The following SAE1 variants were observed in gnomAD, a reference collection of about 807,000 sequenced individuals.
The protein encoded by SAE1 is SUMO-activating enzyme subunit 1.
A neutral mutation model predicts 40.6 loss-of-function variants in SAE1; 11 were observed. That is an observed-to-expected ratio of 0.27 (90% CI 0.17 to 0.45). The LOEUF (loss-of-function observed/expected upper bound fraction) is 0.45. SAE1 is among the 20% of genes least tolerant of loss of function. SAE1 has a pLI of 1.00. For synonymous variants in SAE1, 155 were observed against 154.3 expected, an observed-to-expected ratio of 1.00 and a Z score of -0.03; for missense variants, 373 against 427.3, an observed-to-expected ratio of 0.87 and a Z score of 1.12.
At chr19:47,141,812 T>C (rs2058223846) in intron 1 of SAE1, among the ~76,000 whole-genome samples, 1 of 152,190 alleles carries the variant, frequency 6.6e-6, no homozygotes, top group African/African-American at 2.4e-5. Flanking sequence ...TCCTTTTCAG[T>C]ATGAATAATA....
At chr19:47,184,285 G>C (rs539161293) in intron 6 of SAE1, among the ~76,000 whole-genome samples, 1 of 152,292 alleles carries the variant, frequency 6.6e-6, no homozygotes, top group South Asian at 2.1e-4. Context: ...ATAACGTAGA[G>C]GTTAAGAATG....
intron 6 of SAE1, among the ~76,000 whole-genome samples, chr19:47,181,579 C>T (rs1369737467): frequency 2.2e-4 from 32 of 142,914 alleles, no homozygotes; most frequent in South Asian, 4.7e-4. Flanking sequence ...CATAGGTTTA[C>T]GCCATTCTCC....
chr19:47,162,333 A>G (rs761441588), intron 5 of SAE1, among the ~76,000 whole-genome samples: 2 of 152,178 alleles, frequency 1.3e-5, no homozygotes, highest in Non-Finnish European at 2.9e-5. Context: ...TCCTTGGGCA[A>G]TTGTGTTAAT....
intron 6 of SAE1, among the ~76,000 whole-genome samples, chr19:47,182,496 T>TGTGCGCGCGCGCGCACGCACGCGC: frequency 6.8e-6 from 1 of 146,044 alleles, no homozygotes; most frequent in East Asian, 2.0e-4. Context: ...TGTGTGTGTG[T>TGTGCGCGCGCGCGCACGCACGCGC]GCGCGCACGC....
intron 1 of SAE1, chr19:47,142,532 C>T (rs1400089385): frequency 3.3e-5 from 5 of 152,054 alleles, no homozygotes; most frequent in Admixed American, 6.6e-5. Context: ...ATCATCCTCC[C>T]TCACCTTAAC....
chr19:47,190,882 T>G (rs1282540672), intron 6 of SAE1, among the ~76,000 whole-genome samples: 2 of 152,160 alleles, frequency 1.3e-5, no homozygotes, highest in African/African-American at 4.8e-5. Flanking sequence ...AAAATGCATT[T>G]GACAAAAACT....
At chr19:47,189,647 AG>A (rs1216451110) in intron 6 of SAE1, among the ~76,000 whole-genome samples, 1 of 152,144 alleles carries the variant, frequency 6.6e-6, no homozygotes, top group African/African-American at 2.4e-5. Context: ...ATTGGGGCCG[AG>A]GTGTCTGGCA....
chr19:47,131,099 GA>G, intron 1 of SAE1, 71 bp downstream of exon 1: 1 of 1,454,262 alleles, frequency 6.9e-7, no homozygotes, highest in Non-Finnish European at 9.1e-7. Context: ...TTGCGGCCCG[GA>G]AGGAGCGGGA....
intron 6 of SAE1, among the ~76,000 whole-genome samples, chr19:47,189,904 C>T (rs3760765): frequency 0.16 from 24,793 of 152,168 alleles, 2,207 homozygotes; most frequent in East Asian, 0.36. Flanking sequence ...TGTCCAGATT[C>T]CCGTTATAGC....
At chr19:47,154,191 A>G (rs773323987) in intron 4 of SAE1, among the ~76,000 whole-genome samples, 6 of 152,120 alleles carry the variant, frequency 3.9e-5, no homozygotes, top group Non-Finnish European at 7.4e-5. Context: ...CCTGGATTCA[A>G]GTGGTTCTCC....
chr19:47,192,190 C>T (rs1036659767), intron 6 of SAE1, among the ~76,000 whole-genome samples: 1 of 152,082 alleles, frequency 6.6e-6, no homozygotes, highest in South Asian at 2.1e-4. Flanking sequence ...GTGATCTTCA[C>T]GATAACCTGG....
chr19:47,205,814 A>T (rs1055173455), intron 8 of SAE1, among the ~76,000 whole-genome samples: 1 of 152,108 alleles, frequency 6.6e-6, no homozygotes, highest in African/African-American at 2.4e-5. Context: ...TAAAAGAGAG[A>T]CTAAGGTGCA....
At chr19:47,133,161 T>C (rs1273245734) in intron 1 of SAE1, among the ~76,000 whole-genome samples, 1 of 152,220 alleles carries the variant, frequency 6.6e-6, no homozygotes, top group African/African-American at 2.4e-5. Context: ...GTAGCTTTTA[T>C]TCTAAGTGTG....
chr19:47,135,251 A>G (rs2058171278), intron 1 of SAE1, among the ~76,000 whole-genome samples: 1 of 152,180 alleles, frequency 6.6e-6, no homozygotes, highest in Admixed American at 6.6e-5. Flanking sequence ...CTGTTATGCT[A>G]TCAAATACTG....
chr19:47,199,105 G>A (rs781266466), intron 7 of SAE1, among the ~76,000 whole-genome samples: 32 of 151,420 alleles, frequency 2.1e-4, no homozygotes, highest in Non-Finnish European at 4.0e-4. Flanking sequence ...TATAGCGTAA[G>A]GCTGGGCGCG....
At chr19:47,132,614 A>G (rs899151864) in intron 1 of SAE1, among the ~76,000 whole-genome samples, 4 of 151,456 alleles carry the variant, frequency 2.6e-5, no homozygotes, top group African/African-American at 9.7e-5. Flanking sequence ...GGACGCAGTG[A>G]CTCACACCTG....
At chr19:47,145,774 C>G (rs1428446360) in intron 2 of SAE1, among the ~76,000 whole-genome samples, 1 of 152,058 alleles carries the variant, frequency 6.6e-6, no homozygotes, top group Non-Finnish European at 1.5e-5. Flanking sequence ...AATCACAGAA[C>G]AGTGCGATTC....
intron 1 of SAE1, among the ~76,000 whole-genome samples, chr19:47,140,314 G>C (rs2058212992): frequency 6.6e-6 from 1 of 151,802 alleles, no homozygotes; most frequent in South Asian, 2.1e-4. Context: ...CACCTTGTTA[G>C]CCAGGATGGT....
rs369016483 is a variant in SAE1, at chr19:47,188,724, C to T, written c.734-8509C>T. Among the ~76,000 whole-genome samples the T allele has an allele frequency of 6.6e-5, 10 of 152,288 alleles. No homozygotes were observed. In the East Asian group the frequency reaches 1.7e-3, roughly 26 times the overall value. Reference sequence around the variant, plus strand: ...AGGCTCAGGGTCCTTGTCACTTGCCCAAGGTCACAGTAAGTGGAAGAATAG... The same window carrying T: ...AGGCTCAGGGTCCTTGTCACTTGCCTAAGGTCACAGTAAGTGGAAGAATAG... On this transcript the variant is annotated intron_variant, in intron 6 of 8. Transcript: ENST00000270225.
Sources: gnomAD v4.1 joint callset for allele counts (sites outside exome capture counted in the v4.1 genomes callset) on GRCh38, gnomAD v4.1.1 for gene constraint, MANE v1.5 for transcripts, NCBI Gene and HGNC (gene_info 2026-07-23, HGNC 2026-07-21) for gene names.